Variants in GALNT13 observed in about 807,000 individuals in gnomAD.
GALNT13 encodes polypeptide N-acetylgalactosaminyltransferase 13, also known as UDP-GalNAc:polypeptide N-acetylgalactosaminyltransferase 13.
GALNT13 carries 28 observed loss-of-function variants against 64.2 expected under a neutral mutation model. That is an observed-to-expected ratio of 0.44 (90% CI 0.32 to 0.60). GALNT13 has a LOEUF of 0.60. GALNT13 is among the 20% of genes least tolerant of loss of function. The pLI, the probability that GALNT13 is intolerant of heterozygous loss-of-function variation, is 0.05. For missense variants in GALNT13, 577 were observed against 669.8 expected (o/e 0.86, Z 1.53); for synonymous variants, 214 against 224.6 (o/e 0.95, Z 0.42).
chr2:153,487,851 CTTTG>C, the GALNT13 span, among the ~76,000 whole-genome samples: 1 of 152,098 alleles, frequency 6.6e-6, no homozygotes, highest in African/African-American at 2.4e-5. Flanking sequence ...ATCATGAGGG[CTTTG>C]TTTTTTTGCA....
chr2:153,467,446 G>C, the GALNT13 span, among the ~76,000 whole-genome samples: 1 of 152,038 alleles, frequency 6.6e-6, no homozygotes, highest in African/African-American at 2.4e-5. Context: ...TGTCCTTACT[G>C]TCCATCCTTC....
At chr2:153,324,356 C>A in the GALNT13 span, among the ~76,000 whole-genome samples, 1 of 152,326 alleles carries the variant, frequency 6.6e-6, no homozygotes, top group African/African-American at 2.4e-5. Context: ...TATCCTGAGA[C>A]TTTGCTGAAG....
chr2:153,597,541 CAG>C, the GALNT13 span, among the ~76,000 whole-genome samples: 1 of 151,988 alleles, frequency 6.6e-6, no homozygotes, highest in Admixed American at 6.6e-5. Context: ...TAGAAGGAAA[CAG>C]AGGAGTAAAT....
intron 3 of GALNT13, among the ~76,000 whole-genome samples, chr2:153,954,249 G>C (rs985641584): frequency 2.6e-5 from 4 of 152,130 alleles, no homozygotes; most frequent in Non-Finnish European, 5.9e-5. Flanking sequence ...TAGAGGGTAT[G>C]ATTGATTAAA....
the GALNT13 span, among the ~76,000 whole-genome samples, chr2:153,714,550 C>G: frequency 5.3e-5 from 8 of 152,038 alleles, no homozygotes; most frequent in Admixed American, 5.2e-4. Flanking sequence ...AGCCAGAGAC[C>G]AATTTTTTTA....
At chr2:153,699,571 T>G in the GALNT13 span, among the ~76,000 whole-genome samples, 1 of 150,388 alleles carries the variant, frequency 6.6e-6, no homozygotes, top group South Asian at 2.1e-4. Flanking sequence ...TGAAAAAAAA[T>G]TAGCAAAATA....
intron 8 of GALNT13, among the ~76,000 whole-genome samples, chr2:154,268,847 T>C (rs1228980932): frequency 6.6e-6 from 1 of 152,176 alleles, no homozygotes; most frequent in African/African-American, 2.4e-5. Context: ...TCATTAAAGC[T>C]GTTTATAAAT....
chr2:153,765,659 T>G, the GALNT13 span, among the ~76,000 whole-genome samples: 1 of 152,092 alleles, frequency 6.6e-6, no homozygotes, highest in Non-Finnish European at 1.5e-5. Flanking sequence ...GATTGTGTTT[T>G]TAAATGTGAA....
the GALNT13 span, among the ~76,000 whole-genome samples, chr2:153,447,191 A>C: frequency 6.6e-6 from 1 of 152,194 alleles, no homozygotes; most frequent in Non-Finnish European, 1.5e-5. Flanking sequence ...ATTGCACCTA[A>C]ACTGATGCTT....
intron 8 of GALNT13, among the ~76,000 whole-genome samples, chr2:154,292,781 C>CG (rs749036976): frequency 2.0e-5 from 3 of 152,170 alleles, no homozygotes; most frequent in Non-Finnish European, 4.4e-5. Flanking sequence ...AAACAAGCAG[C>CG]TGCATGAATT....
At chr2:153,730,343 G>A in the GALNT13 span, among the ~76,000 whole-genome samples, 12 of 152,000 alleles carry the variant, frequency 7.9e-5, 1 homozygote, top group South Asian at 2.5e-3. Context: ...AATATAACTG[G>A]AGAAAGGACA....
the GALNT13 span, among the ~76,000 whole-genome samples, chr2:153,489,959 G>A: frequency 1.3e-5 from 2 of 150,128 alleles, no homozygotes; most frequent in African/African-American, 2.5e-5. Flanking sequence ...ACTCCAGCCC[G>A]GGCAAAGCAA....
At chr2:154,230,388 A>T (rs1688853000) in intron 4 of GALNT13, among the ~76,000 whole-genome samples, 1 of 152,148 alleles carries the variant, frequency 6.6e-6, no homozygotes, top group Admixed American at 6.6e-5. Flanking sequence ...AATTATATTC[A>T]GAGGTTACAT....
At chr2:153,196,767 T>C in the GALNT13 span, among the ~76,000 whole-genome samples, 11,254 of 151,868 alleles carry the variant, frequency 0.074, 1,502 homozygotes, top group East Asian at 0.6. Context: ...GCCCCCAGGG[T>C]GGTGGGCTCC....
At chr2:154,362,098 G>T (rs1358655606) in intron 9 of GALNT13, among the ~76,000 whole-genome samples, 3 of 136,414 alleles carry the variant, frequency 2.2e-5, no homozygotes, top group Admixed American at 8.1e-5. Flanking sequence ...AGAAGGCAAT[G>T]AAGATAAACA....
the GALNT13 span, among the ~76,000 whole-genome samples, chr2:153,189,706 C>T: frequency 6.6e-6 from 1 of 152,126 alleles, no homozygotes; most frequent in Admixed American, 6.5e-5. Context: ...TACTAATTTA[C>T]ATTTCCACCA....
intron 3 of GALNT13, among the ~76,000 whole-genome samples, chr2:154,007,485 A>T (rs1474845746): frequency 4.6e-5 from 7 of 151,962 alleles, no homozygotes; most frequent in African/African-American, 1.7e-4. Flanking sequence ...ATTTCTAAAC[A>T]TTATGTTTTC....
At chr2:153,196,062 G>C in the GALNT13 span, among the ~76,000 whole-genome samples, 1 of 152,188 alleles carries the variant, frequency 6.6e-6, no homozygotes, top group Non-Finnish European at 1.5e-5. Context: ...TAAGAAGGGA[G>C]AAAGTGCACA....
the GALNT13 span, among the ~76,000 whole-genome samples, chr2:153,790,430 T>C: frequency 6.6e-6 from 1 of 152,156 alleles, no homozygotes. Context: ...GTCAATAAAC[T>C]AGGTATTGGA....
Sources: allele counts gnomAD v4.1 joint callset (sites outside exome capture counted in the v4.1 genomes callset), GRCh38; gene constraint gnomAD v4.1.1; transcripts MANE v1.5; gene names NCBI Gene and HGNC (gene_info 2026-07-23, HGNC 2026-07-21).